Variants in CERS6 observed in about 807,000 individuals in gnomAD.
CERS6 encodes LAG1 homolog, ceramide synthase 6.
Under a neutral mutation model 56.8 loss-of-function variants are expected in CERS6, and 26 were observed. The observed-to-expected ratio is 0.46, with a 90% CI of 0.34 to 0.63. The LOEUF (loss-of-function observed/expected upper bound fraction) is 0.63. Among genes scored for constraint, CERS6 ranks in the 30% least tolerant of loss-of-function variants. The pLI, the probability that CERS6 is intolerant of heterozygous loss-of-function variation, is 0.01. For synonymous variants in CERS6, 164 were observed against 173.3 expected (o/e 0.95, Z 0.42); for missense variants, 415 against 467.5 (o/e 0.89, Z 1.04).
chr2:168,487,552 A>G (rs1225733814), intron 1 of CERS6, among the ~76,000 whole-genome samples: 1 of 152,212 alleles, frequency 6.6e-6, no homozygotes, highest in Non-Finnish European at 1.5e-5. Flanking sequence ...TAAGTCTCAT[A>G]CAATTATAAG....
intron 1 of CERS6, among the ~76,000 whole-genome samples, chr2:168,512,015 T>C (rs757616861): frequency 2.6e-5 from 4 of 152,026 alleles, no homozygotes; most frequent in African/African-American, 4.8e-5. Context: ...GAAGGGGATT[T>C]GAATACATGC....
chr2:168,620,758 AC>A (rs1055878083), intron 3 of CERS6, among the ~76,000 whole-genome samples: 2 of 125,802 alleles, frequency 1.6e-5, no homozygotes, highest in African/African-American at 3.2e-5. Context: ...GGGGAAATTC[AC>A]CTTTTTTTTT....
intron 6 of CERS6, among the ~76,000 whole-genome samples, chr2:168,713,804 G>C (rs1463801330): frequency 6.6e-6 from 1 of 152,066 alleles, no homozygotes; most frequent in Admixed American, 6.5e-5. Context: ...GCTTGTTTGT[G>C]TAGGTCCTAT....
intron 6 of CERS6, among the ~76,000 whole-genome samples, chr2:168,703,373 A>G (rs1179666462): frequency 6.6e-6 from 1 of 152,150 alleles, no homozygotes; most frequent in Non-Finnish European, 1.5e-5. Flanking sequence ...CCTGGCCAAC[A>G]TGGTGAAACC....
At chr2:168,691,223 T>A in intron 5 of CERS6, 139 bp downstream of exon 5, 1 of 727,916 alleles carries the variant, frequency 1.4e-6, no homozygotes, top group Non-Finnish European at 2.4e-6. Flanking sequence ...GTGCTGGACA[T>A]AATCTAGTGA....
intron 2 of CERS6, among the ~76,000 whole-genome samples, chr2:168,555,524 T>C (rs1169696953): frequency 5.9e-5 from 9 of 151,974 alleles, no homozygotes; most frequent in East Asian, 1.9e-4. Context: ...TTTTAACTTA[T>C]ATAAAAAAAT....
chr2:168,675,675 A>T (rs546882488), intron 4 of CERS6, among the ~76,000 whole-genome samples: 1 of 152,280 alleles, frequency 6.6e-6, no homozygotes, highest in Non-Finnish European at 1.5e-5. Context: ...GACATTTGGA[A>T]AAAAATAACT....
At chr2:168,692,629 CAA>C (rs1426648717) in intron 5 of CERS6, among the ~76,000 whole-genome samples, 3 of 152,110 alleles carry the variant, frequency 2.0e-5, no homozygotes, top group Admixed American at 2.0e-4. Flanking sequence ...GGACTCAGAT[CAA>C]GATTGTCTTC....
rs187509597 is a variant in CERS6 at position 168,719,831 on chromosome 2, T to C, written c.845+1853T>C. On this transcript the variant is annotated intron_variant, in intron 8 of 9. Coordinates refer to ENST00000305747, the MANE Select transcript of CERS6 (RefSeq NM_203463.3). ...CAAAAGAAATATAATGCAGGCTTTA[T>C]AGTAATACAATATTTTCTAGTAGCC... Among the ~76,000 whole-genome samples the C allele has an allele frequency of 4.6e-5, 7 of 152,310 alleles. No individual in the cohort carries two copies. In the East Asian group the frequency reaches 1.3e-3, roughly 29 times the overall value.
chr2:168,746,820 TA>T (rs574474747), intron 8 of CERS6, among the ~76,000 whole-genome samples: 2 of 80,042 alleles, frequency 2.5e-5, no homozygotes, highest in East Asian at 4.5e-4. Flanking sequence ...TATATATATA[TA>T]AAATCATCTT....
intron 4 of CERS6, among the ~76,000 whole-genome samples, chr2:168,650,717 G>T (rs946411481): frequency 1.3e-5 from 2 of 151,382 alleles, no homozygotes. Flanking sequence ...CTAGATCTGC[G>T]CTGGTGGCAG....
At chr2:168,514,237 C>A (rs1275896874) in intron 1 of CERS6, among the ~76,000 whole-genome samples, 1 of 152,102 alleles carries the variant, frequency 6.6e-6, no homozygotes, top group Admixed American at 6.6e-5. Context: ...TAAAAATTTC[C>A]CAAAGAAGTG....
chr2:168,707,368 T>A (rs543383186), intron 6 of CERS6, among the ~76,000 whole-genome samples: 1 of 152,290 alleles, frequency 6.6e-6, no homozygotes, highest in African/African-American at 2.4e-5. Flanking sequence ...ACAGACTGAA[T>A]TTTGGAGAAG....
intron 3 of CERS6, among the ~76,000 whole-genome samples, chr2:168,621,170 A>C (rs1684462144): frequency 6.6e-6 from 1 of 152,202 alleles, no homozygotes; most frequent in African/African-American, 2.4e-5. Context: ...AATTGCATAG[A>C]GCCTTGATGT....
At chr2:168,550,826 A>T (rs1192548605) in intron 2 of CERS6, among the ~76,000 whole-genome samples, 1 of 152,136 alleles carries the variant, frequency 6.6e-6, no homozygotes, top group African/African-American at 2.4e-5. Flanking sequence ...AGCTGCCTCC[A>T]TCCTCTCTGA....
At chr2:168,571,649 A>G (rs1383628212) in intron 3 of CERS6, among the ~76,000 whole-genome samples, 1 of 152,178 alleles carries the variant, frequency 6.6e-6, no homozygotes, top group East Asian at 1.9e-4. Context: ...ATTGGAGCCA[A>G]CTACTTTTAT....
At chr2:168,677,092 C>A (rs894405279) in intron 4 of CERS6, among the ~76,000 whole-genome samples, 1 of 147,690 alleles carries the variant, frequency 6.8e-6, no homozygotes, top group African/African-American at 2.5e-5. Flanking sequence ...CACAGGTATA[C>A]ATGTGCCATG....
At chr2:168,554,847 T>C (rs930791839) in intron 2 of CERS6, among the ~76,000 whole-genome samples, 2 of 152,186 alleles carry the variant, frequency 1.3e-5, no homozygotes, top group Non-Finnish European at 1.5e-5. Context: ...AAAGGAAGAA[T>C]TGACTTTTTA....
intron 3 of CERS6, among the ~76,000 whole-genome samples, chr2:168,612,172 G>C (rs1365792186): frequency 6.6e-6 from 1 of 152,168 alleles, no homozygotes; most frequent in Non-Finnish European, 1.5e-5. Context: ...AGATGAGAAA[G>C]AGGCATAGGG....
Sources: gnomAD v4.1 joint callset for allele counts (sites outside exome capture counted in the v4.1 genomes callset) on GRCh38, gnomAD v4.1.1 for gene constraint, MANE v1.5 for transcripts, NCBI Gene and HGNC (gene_info 2026-07-23, HGNC 2026-07-21) for gene names.